The following RIC1 variants were observed in gnomAD, a reference collection of about 807,000 sequenced individuals.
RIC1 encodes RIC1 partner of RAB6A GEF complex.
A neutral mutation model predicts 169.0 loss-of-function variants in RIC1; 88 were observed. That is an observed-to-expected ratio of 0.52 (90% confidence interval 0.44 to 0.62). RIC1 has a LOEUF of 0.62. Ranked by LOEUF, RIC1 falls within the 20% of genes least tolerant of loss-of-function variation. The pLI is 0.00. For missense variants in RIC1, 1,877 were observed against 1,725.5 expected (o/e 1.09, Z -1.56); for synonymous variants, 790 against 601.5 (o/e 1.31, Z -4.59).
intron 8 of RIC1, among the ~76,000 whole-genome samples, chr9:5,738,965 C>G (rs900212317): frequency 1.3e-5 from 2 of 152,106 alleles, no homozygotes; most frequent in Non-Finnish European, 2.9e-5. Context: ...ACCTCCGGAT[C>G]CAGTTATTCC....
intron 3 of RIC1, among the ~76,000 whole-genome samples, chr9:5,710,299 T>C (rs983538616): frequency 3.9e-5 from 6 of 152,188 alleles, no homozygotes; most frequent in African/African-American, 1.4e-4. Flanking sequence ...GGAAATATAC[T>C]GTCTGGTTTA....
chr9:5,714,111 A>G (rs950413180), intron 4 of RIC1, 108 bp downstream of exon 4: 1 of 644,962 alleles, frequency 1.6e-6, no homozygotes, highest in Non-Finnish European at 2.6e-6. Flanking sequence ...AATTCAAGAT[A>G]ACTTCTTAGT....
At chr9:5,721,547 A>G (rs1823589829) in intron 6 of RIC1, among the ~76,000 whole-genome samples, 2 of 152,166 alleles carry the variant, frequency 1.3e-5, no homozygotes, top group African/African-American at 4.8e-5. Context: ...CATTATTCAG[A>G]AAGAATCACT....
chr9:5,643,789 A>C (rs369265549), intron 1 of RIC1, among the ~76,000 whole-genome samples: 19 of 152,356 alleles, frequency 1.2e-4, no homozygotes, highest in East Asian at 5.8e-4. Flanking sequence ...TTATTTAATC[A>C]GAAAAAATAA....
intron 19 of RIC1, among the ~76,000 whole-genome samples, chr9:5,764,823 T>G (rs1386410570): frequency 5.3e-5 from 8 of 152,236 alleles, no homozygotes; most frequent in Admixed American, 5.2e-4. Flanking sequence ...TGCAACAGAA[T>G]TCCTAAGTTG....
intron 2 of RIC1, among the ~76,000 whole-genome samples, chr9:5,681,075 C>T (rs1423441549): frequency 2.0e-5 from 3 of 151,784 alleles, no homozygotes; most frequent in African/African-American, 7.3e-5. Context: ...ATCCGCCCGC[C>T]TCGGCCTCCC....
chr9:5,672,497 T>C (rs1311729881), intron 2 of RIC1, among the ~76,000 whole-genome samples: 1 of 152,184 alleles, frequency 6.6e-6, no homozygotes, highest in African/African-American at 2.4e-5. Context: ...AATCTTTTGT[T>C]CCAGAAGATC....
intron 1 of RIC1, among the ~76,000 whole-genome samples, chr9:5,634,111 AC>A (rs1554653272): frequency 6.6e-6 from 1 of 152,092 alleles, no homozygotes; most frequent in Non-Finnish European, 1.5e-5. Context: ...TGTGTGTGTT[AC>A]ATTTTCTTTA....
rs764913358 is a variant in RIC1 at position 5,738,519 on chromosome 9, A to G, written c.882A>G (p.Leu294=). The part of the protein sequence containing the change: ...GAMLLSHKLE[L]TAKQYPDIWN... Reference sequence around the variant, plus strand: ...TGCTGCTATCTCATAAATTAGAGCTAACAGCAAAACAGTATCCTGGTGAGT... The same window carrying G: ...TGCTGCTATCTCATAAATTAGAGCTGACAGCAAAACAGTATCCTGGTGAGT... The change falls in exon 8 of 26, where the codon CTA becomes CTG. Residue 294 remains leucine, a synonymous_variant. Transcript: ENST00000414202. 1 of 1,584,540 alleles carries G rather than the reference A, an allele frequency of 6.3e-7. No homozygotes were observed.
chr9:5,713,704 A>G (rs907686987), intron 3 of RIC1, 192 bp from the exon 4 acceptor site: 8 of 367,198 alleles, frequency 2.2e-5, no homozygotes, highest in African/African-American at 1.5e-4. Context: ...TTGGTCAAAC[A>G]TTTATTTCCA....
chr9:5,660,939 C>G (rs991113212), intron 2 of RIC1, among the ~76,000 whole-genome samples: 1 of 152,170 alleles, frequency 6.6e-6, no homozygotes, highest in East Asian at 1.9e-4. Context: ...GCCTGTGTCC[C>G]AAATGGTATT....
intron 22 of RIC1, 107 bp from the exon 23 acceptor site, chr9:5,769,980 C>T (rs1410051804): frequency 1.0e-6 from 1 of 971,288 alleles, no homozygotes; most frequent in South Asian, 1.7e-5. Context: ...TTGAACTGTT[C>T]TTATTGGGTA....
In RIC1 at chr9:5,639,066, C is replaced by G. The variant is rs184306968; in HGVS notation, c.144+9613C>G. ...AAATAGTTGGGACTACAGTTGCATGCCACCGTGCCCAGCTAATTTTTGTAG... is the reference window on the plus strand; with the variant it reads ...AAATAGTTGGGACTACAGTTGCATGGCACCGTGCCCAGCTAATTTTTGTAG... On this transcript the variant is annotated intron_variant, in intron 1 of 25. Coordinates refer to ENST00000414202, the MANE Select transcript of RIC1 (RefSeq NM_020829.4). Among the ~76,000 whole-genome samples the G allele has an allele frequency of 2.1e-3, 327 of 152,226 alleles. 2 individuals are homozygous for G. Among genetic ancestry groups the G allele is most frequent in the Non-Finnish European group, 3.5e-4 (24 of 68,028 alleles).
At chr9:5,653,707 C>G (rs1310639690) in intron 1 of RIC1, among the ~76,000 whole-genome samples, 3 of 152,032 alleles carry the variant, frequency 2.0e-5, no homozygotes, top group African/African-American at 4.8e-5. Context: ...AAGTGATTCT[C>G]CTGCCTCAGC....
At chr9:5,655,971 G>A (rs572525873) in intron 1 of RIC1, among the ~76,000 whole-genome samples, 5 of 152,136 alleles carry the variant, frequency 3.3e-5, no homozygotes, top group South Asian at 2.1e-4. Flanking sequence ...CCAGGTTCAC[G>A]CTATTCTCCT....
chr9:5,641,515 TC>T (rs1818246026), intron 1 of RIC1, among the ~76,000 whole-genome samples: 1 of 152,194 alleles, frequency 6.6e-6, no homozygotes. Flanking sequence ...AACTTTCTAC[TC>T]CGGTCTCTTT....
At chr9:5,678,436 A>G (rs561414449) in intron 2 of RIC1, among the ~76,000 whole-genome samples, 68 of 151,896 alleles carry the variant, frequency 4.5e-4, no homozygotes, top group African/African-American at 1.6e-3. Flanking sequence ...GACTTCCACA[A>G]TGGTTGAACT....
chr9:5,657,741 G>A (rs1819185906), intron 2 of RIC1, among the ~76,000 whole-genome samples: 1 of 152,104 alleles, frequency 6.6e-6, no homozygotes, highest in Admixed American at 6.5e-5. Flanking sequence ...TCCTATAGCA[G>A]GAGTTTGCAG....
At chr9:5,660,428 A>G (rs1198073429) in intron 2 of RIC1, among the ~76,000 whole-genome samples, 2 of 152,172 alleles carry the variant, frequency 1.3e-5, no homozygotes, top group Non-Finnish European at 2.9e-5. Flanking sequence ...GGAATTGCCT[A>G]CTGTCTTCCA....
Sources: gnomAD v4.1 joint callset for allele counts (sites outside exome capture counted in the v4.1 genomes callset) on GRCh38, gnomAD v4.1.1 for gene constraint, MANE v1.5 for transcripts, NCBI Gene and HGNC (gene_info 2026-07-23, HGNC 2026-07-21) for gene names.